The following DHRSX variants were observed in gnomAD, a reference collection of about 807,000 sequenced individuals.
DHRSX encodes polyprenol dehydrogenase.
DHRSX carries 31 observed loss-of-function variants against 34.0 expected under a neutral mutation model. That is an observed-to-expected ratio of 0.91 (90% CI 0.69 to 1.23). DHRSX has a LOEUF of 1.23. DHRSX is among the 50% of genes most tolerant of loss of function. DHRSX has a pLI of 0.00. For missense variants in DHRSX, 414 were observed against 428.1 expected (o/e 0.97, Z 0.29); for synonymous variants, 201 against 183.8 (o/e 1.09, Z -0.76).
intron 1 of DHRSX, among the ~76,000 whole-genome samples, chrX:2,437,692 A>AGT (rs1206881107): frequency 1.6e-4 from 13 of 79,696 alleles, no homozygotes; most frequent in African/African-American, 4.9e-4. Context: ...AGAGAGAGAG[A>AGT]GAGAGAGTGT....
intron 3 of DHRSX, among the ~76,000 whole-genome samples, chrX:2,312,749 T>A (rs886346202): frequency 6.6e-6 from 1 of 152,042 alleles, no homozygotes; most frequent in African/African-American, 2.4e-5. Flanking sequence ...ACCTCTACCC[T>A]ATGGAATCCT....
chrX:2,425,449 G>A, intron 1 of DHRSX, 145 bp from the exon 2 acceptor site: 3 of 719,962 alleles, frequency 4.2e-6, no homozygotes, highest in Non-Finnish European at 4.7e-6. Flanking sequence ...ATTCCCACAG[G>A]CTCAGGAGGC....
In DHRSX at chrX:2,425,070, G is replaced by A. The variant is rs183766811; in HGVS notation, c.217+127C>T. ...TAGGAGAATCACTTTAACCCAGGAGGTGGAGGCTGCAGTGAGCCAAGATTG... is the reference window on the plus strand; with the variant it reads ...TAGGAGAATCACTTTAACCCAGGAGATGGAGGCTGCAGTGAGCCAAGATTG... On this transcript the variant is annotated intron_variant, in intron 2 of 6. Transcript: ENST00000334651. The A allele has an allele frequency of 1.8e-3, 1,266 of 693,592 alleles. 3 individuals carry two copies. The highest frequency in any genetic ancestry group is 2.8e-3 in the Non-Finnish European group (1,105 of 395,408). The allele number at this position is 693,592 out of a possible 1,614,324, so 43.0% of individuals were successfully genotyped here.
At chrX:2,306,582 A>C (rs761814164) in intron 3 of DHRSX, among the ~76,000 whole-genome samples, 1 of 151,576 alleles carries the variant, frequency 6.6e-6, no homozygotes, top group South Asian at 2.1e-4. Flanking sequence ...CCTCCCAAGT[A>C]GCTGGGATTA....
chrX:2,320,845 A>C (rs1034214171), intron 3 of DHRSX, among the ~76,000 whole-genome samples: 1 of 151,904 alleles, frequency 6.6e-6, no homozygotes, highest in African/African-American at 2.4e-5. Context: ...ATCAAGGTCT[A>C]AAGATAAAGA....
At chrX:2,374,111 G>T (rs1180787180) in intron 3 of DHRSX, among the ~76,000 whole-genome samples, 2 of 152,112 alleles carry the variant, frequency 1.3e-5, no homozygotes, top group Admixed American at 1.3e-4. Context: ...GATTAGTATT[G>T]TTCTAAAGAA....
At chrX:2,317,750 C>T (rs1298106630) in intron 3 of DHRSX, among the ~76,000 whole-genome samples, 2 of 152,020 alleles carry the variant, frequency 1.3e-5, no homozygotes, top group Admixed American at 6.6e-5. Flanking sequence ...CAGTCAATCA[C>T]GCGTTCATTT....
intron 4 of DHRSX, among the ~76,000 whole-genome samples, chrX:2,283,064 AAG>A (rs889525273): frequency 1.3e-5 from 2 of 151,038 alleles, no homozygotes; most frequent in Non-Finnish European, 3.0e-5. Flanking sequence ...GAGTTACAGA[AAG>A]AGAGAGAGAG....
chrX:2,492,511 G>A (rs2045178685), intron 1 of DHRSX, among the ~76,000 whole-genome samples: 1 of 152,176 alleles, frequency 6.6e-6, no homozygotes, highest in South Asian at 2.1e-4. Context: ...CCAGGATGTG[G>A]AATGAGATCT....
intron 3 of DHRSX, among the ~76,000 whole-genome samples, chrX:2,302,453 A>G (rs1445764205): frequency 6.6e-6 from 1 of 152,074 alleles, no homozygotes; most frequent in Non-Finnish European, 1.5e-5. Context: ...CTCTACTAAA[A>G]ATACAAAAAC....
chrX:2,250,131 C>A (rs1370162712), intron 5 of DHRSX, among the ~76,000 whole-genome samples: 1 of 140,676 alleles, frequency 7.1e-6, no homozygotes, highest in South Asian at 2.3e-4. Context: ...CACTGCACTC[C>A]AGCCTGGGCA....
chrX:2,497,939 G>C (rs1036288279), intron 1 of DHRSX, among the ~76,000 whole-genome samples: 41 of 152,230 alleles, frequency 2.7e-4, no homozygotes, highest in South Asian at 1.2e-3. Flanking sequence ...CCAACCAACA[G>C]ATACAACTTA....
chrX:2,222,245 G>A, intron 6 of DHRSX, among the ~76,000 whole-genome samples: 1 of 152,160 alleles, frequency 6.6e-6, no homozygotes. Context: ...AGTTTTTACT[G>A]GGGTCTCATT....
intron 4 of DHRSX, among the ~76,000 whole-genome samples, chrX:2,273,174 C>T (rs1215841142): frequency 6.6e-6 from 1 of 152,110 alleles, no homozygotes; most frequent in East Asian, 1.9e-4. Context: ...GCCTGGGTGA[C>T]AGAGCAAGAC....
intron 1 of DHRSX, among the ~76,000 whole-genome samples, chrX:2,471,940 G>C (rs1478082393): frequency 6.6e-6 from 1 of 151,734 alleles, no homozygotes; most frequent in Non-Finnish European, 1.5e-5. Context: ...GAGGTCAGGA[G>C]TTCAAAACCA....
At chrX:2,291,836 C>T (rs1357886701) in intron 3 of DHRSX, among the ~76,000 whole-genome samples, 2 of 151,684 alleles carry the variant, frequency 1.3e-5, no homozygotes, top group African/African-American at 4.8e-5. Context: ...GCCTCAGCCT[C>T]CCAGGTAGCT....
At chrX:2,269,896 G>A (rs908825889) in intron 4 of DHRSX, among the ~76,000 whole-genome samples, 11 of 152,100 alleles carry the variant, frequency 7.2e-5, no homozygotes, top group Non-Finnish European at 1.6e-4. Flanking sequence ...GTTTCTGTAT[G>A]TATTTGTGTA....
chrX:2,375,231 G>A lies in DHRSX; in HGVS notation c.286+33514C>T, dbSNP rs1047753324. Among the ~76,000 whole-genome samples, 22 of 138,228 alleles carry A rather than the reference G, an allele frequency of 1.6e-4. 3 individuals carry two copies. The highest frequency in any genetic ancestry group is 2.9e-4 in the Admixed American group (4 of 13,952). The allele number at this position is 138,228 out of a possible 152,430, so 90.7% of individuals were successfully genotyped here. Reference sequence around the variant, plus strand: ...AAGCAACCACATCAGGTGGGAATACGCCCTCCCAGTCAGCAGGTGCGTTCT... The same window carrying A: ...AAGCAACCACATCAGGTGGGAATACACCCTCCCAGTCAGCAGGTGCGTTCT... On this transcript the variant is annotated intron_variant, in intron 3 of 6. Transcript: ENST00000334651.
intron 3 of DHRSX, among the ~76,000 whole-genome samples, chrX:2,357,328 T>C (rs1208270199): frequency 1.3e-5 from 2 of 151,858 alleles, no homozygotes; most frequent in East Asian, 1.9e-4. Context: ...CAAGGGTCAA[T>C]TGTAAATGGA....
Sources: allele counts gnomAD v4.1 joint callset (sites outside exome capture counted in the v4.1 genomes callset), GRCh38; gene constraint gnomAD v4.1.1; transcripts MANE v1.5; gene names NCBI Gene and HGNC (gene_info 2026-07-23, HGNC 2026-07-21).